The following PADI2 variants were observed in gnomAD, a reference collection of about 807,000 sequenced individuals.
PADI2 encodes protein-arginine deiminase type-2.
PADI2 carries 70 observed loss-of-function variants against 81.1 expected under a neutral mutation model. The ratio of observed to expected loss-of-function variants is 0.86; its 90% CI spans 0.71 to 1.05. The LOEUF is 1.05. Among genes scored for constraint, PADI2 ranks in the 50% least tolerant of loss-of-function variants. The pLI is 0.00. For synonymous variants in PADI2, 338 were observed against 358.0 expected (o/e 0.94, Z 0.63); for missense variants, 853 against 889.9 (o/e 0.96, Z 0.53).
At position 17,086,715 on chromosome 1, in the gene PADI2, C is replaced by A; in HGVS notation, c.656-16G>T. 6.2e-7 allele frequency: 1 copy of A among 1,608,216 alleles called. No homozygotes were observed. Among genetic ancestry groups the A allele is most frequent in the Non-Finnish European group, 8.5e-7 (1 of 1,176,086 alleles). On this transcript the variant is annotated splice_polypyrimidine_tract_variant and intron_variant, in intron 6 of 15. Coordinates refer to ENST00000375486, the MANE Select transcript of PADI2 (RefSeq NM_007365.3). ...AAGAACGGGTCTGGAGGGAAAAGGA[C>A]CAACGTCAGACTCCCACCCGCATCA...
intron 1 of PADI2, among the ~76,000 whole-genome samples, chr1:17,109,846 A>G (rs1304425005): frequency 6.6e-6 from 1 of 152,176 alleles, no homozygotes; most frequent in Non-Finnish European, 1.5e-5. Flanking sequence ...ACACAATTCT[A>G]TTTAGGAAAA....
chr1:17,085,864 G>A (rs770669395), intron 7 of PADI2, among the ~76,000 whole-genome samples: 23 of 152,232 alleles, frequency 1.5e-4, no homozygotes, highest in Middle Eastern at 3.4e-3. Flanking sequence ...TTTTTTCTGA[G>A]CGAAACAGGG....
Position 17,108,531 on chromosome 1 carries a change from G to A in PADI2, c.93-3470C>T, listed in dbSNP as rs556105490. Among the ~76,000 whole-genome samples, 27 of 152,036 alleles carry A rather than the reference G, an allele frequency of 1.8e-4. 1 individual carries two copies. In the South Asian group the frequency reaches 2.1e-3, roughly 12 times the overall value. ...TATAAGTCCCCTGAGGGCATGGTCC[G>A]GCCTCTCCCATCTTCATTCTTCAGA... On this transcript the variant is annotated intron_variant, in intron 1 of 15. Coordinates refer to ENST00000375486, the MANE Select transcript of PADI2 (RefSeq NM_007365.3).
intron 7 of PADI2, 91 bp from the exon 8 acceptor site, chr1:17,084,793 T>C: frequency 1.4e-6 from 1 of 731,472 alleles, no homozygotes; most frequent in South Asian, 1.7e-5. Flanking sequence ...CTGATGACAG[T>C]GAATACATTT....
At chr1:17,094,656 G>C (rs1024654530) in intron 4 of PADI2, among the ~76,000 whole-genome samples, 4 of 152,180 alleles carry the variant, frequency 2.6e-5, no homozygotes, top group East Asian at 1.9e-4. Context: ...GGCCTGACCC[G>C]CTCCTGGAAC....
At chr1:17,117,904 A>G (rs1478290185) in intron 1 of PADI2, among the ~76,000 whole-genome samples, 2 of 152,198 alleles carry the variant, frequency 1.3e-5, no homozygotes, top group Non-Finnish European at 2.9e-5. Context: ...ACCACCCTCC[A>G]CTGCTGTGTT....
rs747634519 is a variant in PADI2, at chr1:17,086,548, A to T, written c.807T>A (p.His269Gln). Residue 269 changes from histidine to glutamine, a missense_variant, in exon 7 of 16, where the codon CAT becomes CAA. By Grantham distance (24) the His-to-Gln change is conservative. Transcript: ENST00000375486. ...DEGFSGLVSIHVSLLEYMAQD... is the reference protein window; with the variant it reads ...DEGFSGLVSIQVSLLEYMAQD... Reference sequence around the variant, plus strand: ...GGGCCATGTACTCCAGCAGGCTGACATGGATGGAGACCAGGCCTGAGAAGC... The same window carrying T: ...GGGCCATGTACTCCAGCAGGCTGACTTGGATGGAGACCAGGCCTGAGAAGC... 2.5e-6 allele frequency: 4 copies of T among 1,613,804 alleles called. No individual in the cohort carries two copies. The East Asian group carries it at 6.7e-5, about 27-fold the overall frequency.
intron 3 of PADI2, among the ~76,000 whole-genome samples, chr1:17,101,374 C>G (rs1434613180): frequency 6.6e-6 from 1 of 151,982 alleles, no homozygotes; most frequent in Non-Finnish European, 1.5e-5. Context: ...GGTGTCAGGC[C>G]CCTGCCCTTC....
intron 6 of PADI2, among the ~76,000 whole-genome samples, chr1:17,087,267 G>A (rs1045316009): frequency 5.3e-5 from 8 of 152,256 alleles, no homozygotes; most frequent in Non-Finnish European, 8.8e-5. Flanking sequence ...GTGGCTGGGC[G>A]GAAAGATAGG....
chr1:17,096,619 C>T (rs1013494515), intron 3 of PADI2, among the ~76,000 whole-genome samples: 12 of 152,360 alleles, frequency 7.9e-5, no homozygotes, highest in Admixed American at 7.2e-4. Context: ...CAGGCCCCCA[C>T]TTATCCCTTC....
At position 17,086,370 on chromosome 1, in the gene PADI2, C is replaced by T. The variant is rs1342739896; in HGVS notation, c.834+151G>A. ...GAGGACCCTGGCAGACACGTGCAGGCTTTGCTGGGGGGCATCGAGGTCTCC... is the reference window on the plus strand; with the variant it reads ...GAGGACCCTGGCAGACACGTGCAGGTTTTGCTGGGGGGCATCGAGGTCTCC... On this transcript the variant is annotated intron_variant, in intron 7 of 15. Transcript: ENST00000375486. 4 of 616,668 alleles carry T rather than the reference C, an allele frequency of 6.5e-6. No individual in the cohort carries two copies. In the East Asian group the frequency reaches 1.2e-4, roughly 18 times the overall value. 38.2% of individuals were successfully genotyped at this position (616,668 alleles called of 1,614,324 possible).
chr1:17,081,571 G>A (rs752103220), intron 10 of PADI2, among the ~76,000 whole-genome samples: 11 of 152,178 alleles, frequency 7.2e-5, no homozygotes, highest in African/African-American at 1.9e-4. Context: ...CAGCCCTGGC[G>A]TCTGACAGGA....
rs186169159 is a variant in PADI2 at position 17,104,008 on chromosome 1, C to T, written c.276+870G>A. On this transcript the variant is annotated intron_variant, in intron 2 of 15. Coordinates refer to ENST00000375486, the MANE Select transcript of PADI2 (RefSeq NM_007365.3). Reference sequence around the variant, plus strand: ...CTTAAAAACAAACAAACAGGCCGGCCGCGGTGGCTCACGCCTGTAATCCCA... The same window carrying T: ...CTTAAAAACAAACAAACAGGCCGGCTGCGGTGGCTCACGCCTGTAATCCCA... 7.0e-3 allele frequency among the ~76,000 whole-genome samples: 1,042 copies of T among 149,414 alleles called. 14 individuals are homozygous for T. Among genetic ancestry groups the T allele is most frequent in the African/African-American group, 0.024 (977 of 40,496 alleles).
intron 3 of PADI2, among the ~76,000 whole-genome samples, chr1:17,101,927 C>T (rs972027962): frequency 1.3e-5 from 2 of 152,134 alleles, no homozygotes; most frequent in Non-Finnish European, 2.9e-5. Context: ...AGATTGAAAT[C>T]GTGACGGTAA....
chr1:17,118,620 C>T (rs1233315206), intron 1 of PADI2, among the ~76,000 whole-genome samples: 2 of 152,174 alleles, frequency 1.3e-5, no homozygotes, highest in African/African-American at 2.4e-5. Context: ...CCCCGCTATA[C>T]ACCCCAAGTC....
chr1:17,081,682 A>G lies in PADI2; in HGVS notation c.1158+863T>C, dbSNP rs955139925. ...TCCCCCAGCCTGTTCAGGGCAGAAG[A>G]GTGCAGACAAAAGAAAGATTGGTTT... On this transcript the variant is annotated intron_variant, in intron 10 of 15. Coordinates refer to ENST00000375486, the MANE Select transcript of PADI2 (RefSeq NM_007365.3). Among the ~76,000 whole-genome samples the G allele has an allele frequency of 2.0e-5, 3 of 152,346 alleles. No individual in the cohort carries two copies. The East Asian group carries it at 5.8e-4, about 29-fold the overall frequency.
At position 17,086,649 on chromosome 1, in the gene PADI2, A is replaced by G. The variant is rs1245095065; in HGVS notation, c.706T>C (p.Tyr236His). Residue 236 changes from tyrosine (Y) to histidine (H), a missense_variant, in exon 7 of 16, where the codon TAC (tyrosine) becomes CAC (histidine). Coordinates refer to ENST00000375486, the MANE Select transcript of PADI2 (RefSeq NM_007365.3). ...CCACCCGTGTACTTGACCACATGGT[A>G]GAGCTTCCGCCGGCCCAGGATGTGG... ...YIHILGRRKL[Y>H]HVVKYTGGSA... 2 of 1,614,014 alleles carry G rather than the reference A, an allele frequency of 1.2e-6. No individual in the cohort carries two copies. The highest frequency in any genetic ancestry group is 1.7e-6 in the Non-Finnish European group (2 of 1,180,006).
intron 2 of PADI2, among the ~76,000 whole-genome samples, chr1:17,104,431 C>T (rs199571944): frequency 1.9e-3 from 155 of 79,740 alleles, no homozygotes; most frequent in African/African-American, 5.5e-3. Context: ...TTTGCCTTTT[C>T]TTTTTTTTTT....
In PADI2 at chr1:17,092,495, C is replaced by A; in HGVS notation, c.568G>T (p.Gly190Cys). Residue 190 changes from glycine (G) to cysteine (C), a missense_variant, in exon 6 of 16, where the codon GGC (glycine) becomes TGC (cysteine). Transcript: ENST00000375486. ...TATCCGGCGGGGAGGCGGTCGGGGC[C>A]TTTGGTCCGCAGGATCATCTGGGAC... ...DMSQMILRTKGPDRLPAGYEI... is the reference protein window; with the variant it reads ...DMSQMILRTKCPDRLPAGYEI... 6.2e-7 allele frequency: 1 copy of A among 1,604,984 alleles called. No homozygotes were observed. Among genetic ancestry groups the A allele is most frequent in the Non-Finnish European group, 8.5e-7 (1 of 1,176,458 alleles).
Sources: allele counts gnomAD v4.1 joint callset (sites outside exome capture counted in the v4.1 genomes callset), GRCh38; gene constraint gnomAD v4.1.1; transcripts MANE v1.5; gene names NCBI Gene and HGNC (gene_info 2026-07-23, HGNC 2026-07-21).